Variants in NISCH observed in about 807,000 individuals in gnomAD.
The protein encoded by NISCH is nischarin, also known as I-1 receptor candidate protein.
NISCH carries 55 observed loss-of-function variants against 138.4 expected under a neutral mutation model. The observed-to-expected ratio is 0.40, with a 90% CI of 0.32 to 0.50. The LOEUF is 0.50. Ranked by LOEUF, NISCH falls within the 20% of genes least tolerant of loss-of-function variation. The pLI is 0.71. For missense variants in NISCH, 1,643 were observed against 2,005.5 expected, an observed-to-expected ratio of 0.82 and a Z score of 3.45; for synonymous variants, 860 against 861.5, an observed-to-expected ratio of 1.00 and a Z score of 0.03.
intron 20 of NISCH, 159 bp downstream of exon 20, chr3:52,491,672 C>T: frequency 9.5e-7 from 1 of 1,053,004 alleles, no homozygotes; most frequent in South Asian, 1.6e-5. Flanking sequence ...GGCAGAGTCT[C>T]CACTCCAGCA....
At position 52,491,387 on chromosome 3, in the gene NISCH, C is replaced by T. The variant is rs774114239; in HGVS notation, c.3778C>T (p.Arg1260Trp). ...GATGCAGGTGGTCACGTGCTTGACG[C>T]GGGACAGCTACCTGACGCACTGCTT... The part of the protein sequence containing the change: ...TPMQVVTCLT[R>W]DSYLTHCFLQ... Residue 1260 changes from arginine (R) to tryptophan (W), a missense_variant, in exon 20 of 21, where the codon CGG (arginine) becomes TGG (tryptophan). Physicochemically the swap from Arg to Trp is moderately radical, Grantham distance 101 (BLOSUM62 -3). Transcript: ENST00000345716. The T allele has an allele frequency of 4.3e-6, 7 of 1,613,028 alleles. No individual in the cohort carries two copies. The highest frequency in any genetic ancestry group is 1.7e-5 in the Admixed American group (1 of 59,984).
In NISCH at chr3:52,492,646, T is replaced by C. The variant is rs1707601887; in HGVS notation, c.*164T>C. The C allele has an allele frequency of 2.0e-6, 2 of 1,020,476 alleles. No homozygotes were observed. The highest frequency in any genetic ancestry group is 1.4e-6 in the Non-Finnish European group (1 of 725,074). 63.2% of individuals were successfully genotyped at this position (1,020,476 alleles called of 1,614,324 possible). ...TGTGTGTTGTGTTAATTCTTTCTCA[T>C]GTTGGGAGTGAGAATGCCGGGCCCC... On this transcript the variant is annotated 3_prime_UTR_variant, in exon 21 of 21. Coordinates refer to ENST00000345716, the MANE Select transcript of NISCH (RefSeq NM_007184.4).
In NISCH at chr3:52,488,343, GTGC is replaced by G; in HGVS notation, c.2857_2859del (p.Leu953del). On this transcript the variant is annotated inframe_deletion, in exon 16 of 21. Coordinates refer to ENST00000345716, the MANE Select transcript of NISCH (RefSeq NM_007184.4). ...GCTCAGCCGTGTGCCGCTCTCCACCGTGCTGCTGGACCCCACACGCAGCTGTAC... is the reference window on the plus strand; with the variant it reads ...GCTCAGCCGTGTGCCGCTCTCCACCGTGCTGGACCCCACACGCAGCTGTAC... The G allele has an allele frequency of 6.2e-7, 1 of 1,613,316 alleles. No homozygotes were observed. Among genetic ancestry groups the G allele is most frequent in the Non-Finnish European group, 8.5e-7 (1 of 1,180,008 alleles).
chr3:52,480,289 A>G lies in NISCH; in HGVS notation c.1522A>G (p.Asn508Asp). 1 of 1,613,640 alleles carries G rather than the reference A, an allele frequency of 6.2e-7. No individual in the cohort carries two copies. Residue 508 changes from asparagine (N) to aspartate (D), a missense_variant, in exon 13 of 21, where the codon AAC becomes GAC. Physicochemically the swap from Asn to Asp is conservative, Grantham distance 23. Coordinates refer to ENST00000345716, the MANE Select transcript of NISCH (RefSeq NM_007184.4). ...SASLPQPILS[N>D]QGIMFVQEEA... ...CTCCCTGCCCCAGCCCATCCTCTCT[A>G]ACCAAGGTAATCGTGTATGTATCTT...
At chr3:52,462,673 C>T (rs939666166) in intron 3 of NISCH, among the ~76,000 whole-genome samples, 1 of 152,074 alleles carries the variant, frequency 6.6e-6, no homozygotes, top group Non-Finnish European at 1.5e-5. Flanking sequence ...TTCGTTCTTA[C>T]TGGCCAGGCT....
intron 3 of NISCH, among the ~76,000 whole-genome samples, chr3:52,465,611 TC>T (rs764894741): frequency 1.3e-5 from 2 of 152,154 alleles, no homozygotes; most frequent in Non-Finnish European, 2.9e-5. Flanking sequence ...ACAGGCCTCA[TC>T]CCAGAACCCC....
At chr3:52,471,146 C>T in intron 4 of NISCH, 1 of 562,608 alleles carries the variant, frequency 1.8e-6, no homozygotes, top group Non-Finnish European at 3.2e-6. Context: ...GCACACTGCT[C>T]CCTCGCACCT....
intron 3 of NISCH, 129 bp from the exon 4 acceptor site, chr3:52,470,730 C>T: frequency 1.3e-6 from 1 of 779,598 alleles, no homozygotes; most frequent in South Asian, 1.5e-5. Flanking sequence ...GGTTTATGCC[C>T]TCCTTTCTTT....
Position 52,484,565 on chromosome 3 carries a change from C to T in NISCH, c.1581C>T (p.Asp527=), listed in dbSNP as rs774568422. ...TGGCCAGCAGCCTCTCGTCCACTGA[C>T]AGTCTGACTCCCGAGCACCAGCCCA... is the stretch of plus-strand genomic sequence containing the variant. ...EALASSLSST[D]SLTPEHQPIA... Residue 527 remains aspartate (D), a synonymous_variant, in exon 14 of 21, where the codon GAC becomes GAT. Coordinates refer to ENST00000345716, the MANE Select transcript of NISCH (RefSeq NM_007184.4). 3 of 1,612,866 alleles carry T rather than the reference C, an allele frequency of 1.9e-6. No homozygotes were observed. Among genetic ancestry groups the T allele is most frequent in the Non-Finnish European group, 2.5e-6 (3 of 1,179,554 alleles).
intron 14 of NISCH, among the ~76,000 whole-genome samples, 177 bp from the exon 15 acceptor site, chr3:52,485,601 T>TGGGTCCCAGAGTGGGCCCCA (rs368180376): frequency 9.7e-4 from 147 of 152,276 alleles, no homozygotes; most frequent in African/African-American, 3.4e-3. Context: ...TCTCTGCCCT[T>TGGGTCCCAGAGTGGGCCCCA]GGGTCCCAGA....
Position 52,472,403 on chromosome 3 carries a change from G to A in NISCH, c.669+5G>A, listed in dbSNP as rs954505857. ...AAGTCCCTGCATCAGGTGGAGGTAAGGCCCAGCGCTGCACAGCATCCTCTC... is the reference window on the plus strand; with the variant it reads ...AAGTCCCTGCATCAGGTGGAGGTAAAGCCCAGCGCTGCACAGCATCCTCTC... On this transcript the variant is annotated splice_donor_5th_base_variant and intron_variant, in intron 6 of 20. Transcript: ENST00000345716. The A allele has an allele frequency of 6.2e-7, 1 of 1,610,958 alleles. No individual in the cohort carries two copies. Among genetic ancestry groups the A allele is most frequent in the East Asian group, 2.2e-5 (1 of 44,882 alleles).
chr3:52,477,462 T>TC, intron 8 of NISCH, 112 bp from the exon 9 acceptor site: 1 of 836,038 alleles, frequency 1.2e-6, no homozygotes, highest in Non-Finnish European at 2.0e-6. Flanking sequence ...GGACGGCCCG[T>TC]GGGAGTCCAT....
Position 52,455,627 on chromosome 3 carries a change from G to C in NISCH, c.-15G>C. 1 of 1,319,134 alleles carries C rather than the reference G, an allele frequency of 7.6e-7. No homozygotes were observed. The highest frequency in any genetic ancestry group is 2.6e-5 in the South Asian group (1 of 37,762). 81.7% of individuals were successfully genotyped at this position (1,319,134 alleles called of 1,614,324 possible). On this transcript the variant is annotated 5_prime_UTR_variant, in exon 1 of 21. Transcript: ENST00000345716. ...CTAGTCTGCGCCGGGCGGCGGTGGCGGCGGAGACCCGAACATGGCGACCGC... is the reference window on the plus strand; with the variant it reads ...CTAGTCTGCGCCGGGCGGCGGTGGCCGCGGAGACCCGAACATGGCGACCGC...
At chr3:52,456,992 C>G (rs1169721690) in intron 1 of NISCH, among the ~76,000 whole-genome samples, 2 of 152,188 alleles carry the variant, frequency 1.3e-5, no homozygotes, top group Non-Finnish European at 2.9e-5. Flanking sequence ...TAGTTTGGAC[C>G]CTACCATCCT....
intron 11 of NISCH, 51 bp downstream of exon 11, chr3:52,478,628 C>T: frequency 6.4e-7 from 1 of 1,551,796 alleles, no homozygotes; most frequent in Non-Finnish European, 8.9e-7. Context: ...GGGATGCAGT[C>T]AAGTCTGCAT....
chr3:52,466,872 G>A (rs1171873721), intron 3 of NISCH, among the ~76,000 whole-genome samples: 1 of 152,140 alleles, frequency 6.6e-6, no homozygotes, highest in Non-Finnish European at 1.5e-5. Context: ...CTTTGCCCAC[G>A]GCTACACACC....
chr3:52,477,559 CT>C lies in NISCH; in HGVS notation c.919-11del, dbSNP rs1707139726. 12 of 1,611,520 alleles carry C rather than the reference CT, an allele frequency of 7.4e-6. No individual in the cohort carries two copies. Among genetic ancestry groups the C allele is most frequent in the African/African-American group, 5.3e-5 (4 of 74,896 alleles). ...GCCCCCTACAGTAACATCGGGTGTT[CT>C]TTTCTTTCACAAGAAACTGATCCCA... On this transcript the variant is annotated splice_polypyrimidine_tract_variant and intron_variant, in intron 8 of 20. Transcript: ENST00000345716.
intron 4 of NISCH, 92 bp from the exon 5 acceptor site, chr3:52,471,722 A>G (rs1706952416): frequency 7.0e-7 from 1 of 1,429,554 alleles, no homozygotes. Flanking sequence ...GGTGCTTGCC[A>G]ACTGCTTGTT....
At position 52,490,198 on chromosome 3, in the gene NISCH, G is replaced by A. The variant is rs372980592; in HGVS notation, c.3580G>A (p.Gly1194Ser). 2.5e-5 allele frequency: 40 copies of A among 1,612,986 alleles called. No individual in the cohort carries two copies. Among genetic ancestry groups the A allele is most frequent in the Middle Eastern group, 3.3e-4 (2 of 6,074 alleles). Residue 1194 changes from glycine (G) to serine (S), a missense_variant, in exon 18 of 21, where the codon GGC becomes AGC. By Grantham distance (56) the Gly-to-Ser change is moderately conservative. Transcript: ENST00000345716. The part of the protein sequence containing the change: ...TKAVYFVLHD[G>S]LRRYFSEPLQ... ...GGCTGTGTACTTTGTGCTCCACGAC[G>A]GCCTCCGCCGCTACTTCTCAGAGCC...
Sources: gnomAD v4.1 joint callset for allele counts (sites outside exome capture counted in the v4.1 genomes callset) on GRCh38, gnomAD v4.1.1 for gene constraint, MANE v1.5 for transcripts, NCBI Gene and HGNC (gene_info 2026-07-23, HGNC 2026-07-21) for gene names.